The following SEZ6L variants were observed in gnomAD, a reference collection of about 807,000 sequenced individuals.
The protein encoded by SEZ6L is seizure 6-like protein.
SEZ6L carries 37 observed loss-of-function variants against 106.2 expected under a neutral mutation model. The ratio of observed to expected loss-of-function variants is 0.35; its 90% CI spans 0.27 to 0.46. The LOEUF is 0.46. Ranked by LOEUF, SEZ6L falls within the 20% of genes least tolerant of loss-of-function variation. SEZ6L has a pLI of 1.00. For synonymous variants in SEZ6L, 541 were observed against 570.4 expected, an observed-to-expected ratio of 0.95 and a Z score of 0.73; for missense variants, 1,172 against 1,332.8, an observed-to-expected ratio of 0.88 and a Z score of 1.88.
chr22:26,327,168 C>T (rs562590564), intron 9 of SEZ6L, among the ~76,000 whole-genome samples: 6 of 152,138 alleles, frequency 3.9e-5, no homozygotes, highest in African/African-American at 9.6e-5. Flanking sequence ...CCCGGCCCAC[C>T]GCCCTCTGCA....
chr22:26,250,847 T>C (rs2079553073), intron 1 of SEZ6L, among the ~76,000 whole-genome samples: 1 of 152,214 alleles, frequency 6.6e-6, no homozygotes, highest in Non-Finnish European at 1.5e-5. Context: ...TCAGTGTTCA[T>C]AGCTTTCCTT....
chr22:26,183,415 G>A lies in SEZ6L; in HGVS notation c.94+13652G>A, dbSNP rs189689559. ...ACGTTGTCCTGATGACTTCCGGGCA[G>A]GGGGCAACTTTCTCCAAGGGACCAG... is the stretch of plus-strand genomic sequence containing the variant. On this transcript the variant is annotated intron_variant, in intron 1 of 16. Coordinates refer to ENST00000248933, the MANE Select transcript of SEZ6L (RefSeq NM_021115.5). 5.9e-5 allele frequency among the ~76,000 whole-genome samples: 9 copies of A among 152,302 alleles called. No homozygotes were observed. The East Asian group carries it at 1.7e-3, about 29-fold the overall frequency.
intron 1 of SEZ6L, among the ~76,000 whole-genome samples, chr22:26,282,976 A>G (rs2080820468): frequency 6.6e-6 from 1 of 152,080 alleles, no homozygotes. Context: ...GCTGGAGTAC[A>G]GTGGCGCGAT....
At chr22:26,321,814 G>A (rs1306958068) in intron 9 of SEZ6L, among the ~76,000 whole-genome samples, 1 of 152,120 alleles carries the variant, frequency 6.6e-6, no homozygotes, top group Non-Finnish European at 1.5e-5. Context: ...TGGGTAGGTG[G>A]CCCATAGTAG....
At chr22:26,266,430 G>A (rs1477322785) in intron 1 of SEZ6L, among the ~76,000 whole-genome samples, 9 of 150,972 alleles carry the variant, frequency 6.0e-5, no homozygotes, top group Non-Finnish European at 7.4e-5. Flanking sequence ...AAATTTAGCC[G>A]GGCGTGGTGG....
rs189190972 is a variant in SEZ6L at position 26,333,573 on chromosome 22, C to T, written c.2016-6863C>T. ...GTCTACTCTGTGCAAGATCTGAGCC[C>T]GAAACCTGGCCCTATGCCCTGAGCT... On this transcript the variant is annotated intron_variant, in intron 9 of 16. Transcript: ENST00000248933. Among the ~76,000 whole-genome samples the T allele has an allele frequency of 1.1e-3, 160 of 152,236 alleles. No homozygotes were observed. In the South Asian group the frequency reaches 0.012, roughly 11 times the overall value.
intron 1 of SEZ6L, among the ~76,000 whole-genome samples, chr22:26,171,621 T>C (rs1286041556): frequency 2.0e-5 from 3 of 152,204 alleles, no homozygotes; most frequent in African/African-American, 7.2e-5. Context: ...GAGACATGTG[T>C]GTGTTTTAAT....
At chr22:26,269,281 A>ACCC (rs1400268808) in intron 1 of SEZ6L, among the ~76,000 whole-genome samples, 1 of 152,162 alleles carries the variant, frequency 6.6e-6, no homozygotes, top group African/African-American at 2.4e-5. Context: ...TGAGGCCTAG[A>ACCC]AATCTGCCTT....
At chr22:26,281,952 G>A (rs551631405) in intron 1 of SEZ6L, among the ~76,000 whole-genome samples, 1 of 152,274 alleles carries the variant, frequency 6.6e-6, no homozygotes, top group South Asian at 2.1e-4. Flanking sequence ...TCTCTCAGCT[G>A]CATGGCATTC....
chr22:26,319,726 T>A (rs1193086306), intron 9 of SEZ6L, among the ~76,000 whole-genome samples: 1 of 152,210 alleles, frequency 6.6e-6, no homozygotes, highest in Non-Finnish European at 1.5e-5. Flanking sequence ...CTCCCACACC[T>A]CCACCTGGAA....
chr22:26,196,049 C>T (rs1368115686), intron 1 of SEZ6L, among the ~76,000 whole-genome samples: 1 of 151,950 alleles, frequency 6.6e-6, no homozygotes, highest in African/African-American at 2.4e-5. Context: ...AATTGTAATC[C>T]CCAATGTTGG....
chr22:26,230,291 T>C (rs980730047), intron 1 of SEZ6L, among the ~76,000 whole-genome samples: 1 of 151,138 alleles, frequency 6.6e-6, no homozygotes, highest in Non-Finnish European at 1.5e-5. Flanking sequence ...AAGATAACCA[T>C]TTGAGAGTTA....
chr22:26,361,037 TAAAC>T (rs1427884253), intron 12 of SEZ6L, among the ~76,000 whole-genome samples: 1 of 152,212 alleles, frequency 6.6e-6, no homozygotes, highest in Non-Finnish European at 1.5e-5. Flanking sequence ...CACGCGGCTT[TAAAC>T]AGTGTCCAGA....
chr22:26,343,350 ACT>A (rs887603609), intron 10 of SEZ6L, among the ~76,000 whole-genome samples: 1 of 149,676 alleles, frequency 6.7e-6, no homozygotes, highest in Non-Finnish European at 1.5e-5. Context: ...AAACTGACTG[ACT>A]CTATCCAAGG....
chr22:26,332,651 T>C (rs1295088265), intron 9 of SEZ6L, among the ~76,000 whole-genome samples: 1 of 152,148 alleles, frequency 6.6e-6, no homozygotes, highest in Non-Finnish European at 1.5e-5. Flanking sequence ...TTTCACTATA[T>C]TGCCCAGGCA....
At chr22:26,364,001 G>C (rs995080880) in intron 12 of SEZ6L, among the ~76,000 whole-genome samples, 6 of 152,190 alleles carry the variant, frequency 3.9e-5, no homozygotes, top group Non-Finnish European at 8.8e-5. Context: ...GATCCCAGGG[G>C]CTAGGGTAAG....
Position 26,324,932 on chromosome 22 carries a change from G to C in SEZ6L, c.2015+11030G>C, listed in dbSNP as rs2082263791. 2.0e-5 allele frequency among the ~76,000 whole-genome samples: 3 copies of C among 152,162 alleles called. No homozygotes were observed. The South Asian group carries it at 6.2e-4, about 32-fold the overall frequency. ...TCACGAGTCTAGAGATCAGCGTTGT[G>C]CTTCTGGTCTTAGCTGGGCTCGCAG... is the stretch of plus-strand genomic sequence containing the variant. On this transcript the variant is annotated intron_variant, in intron 9 of 16. Coordinates refer to ENST00000248933, the MANE Select transcript of SEZ6L (RefSeq NM_021115.5).
At chr22:26,270,758 G>T (rs993545006) in intron 1 of SEZ6L, among the ~76,000 whole-genome samples, 3 of 152,124 alleles carry the variant, frequency 2.0e-5, no homozygotes, top group Admixed American at 6.5e-5. Flanking sequence ...ATTGCCTAAG[G>T]CTGGCTGTCA....
intron 12 of SEZ6L, among the ~76,000 whole-genome samples, chr22:26,361,465 C>T (rs1294028385): frequency 6.7e-6 from 1 of 148,530 alleles, no homozygotes; most frequent in Non-Finnish European, 1.5e-5. Flanking sequence ...TGAGATCACA[C>T]CACTGCACTC....
Sources: allele counts gnomAD v4.1 joint callset (sites outside exome capture counted in the v4.1 genomes callset), GRCh38; gene constraint gnomAD v4.1.1; transcripts MANE v1.5; gene names NCBI Gene and HGNC (gene_info 2026-07-23, HGNC 2026-07-21).